Variants in ERC2 observed in about 807,000 individuals in gnomAD.
The protein encoded by ERC2 is ELKS/RAB6-interacting/CAST family member 2.
ERC2 carries 42 observed loss-of-function variants against 114.8 expected under a neutral mutation model. That is an observed-to-expected ratio of 0.37 (90% CI 0.29 to 0.47). The LOEUF (loss-of-function observed/expected upper bound fraction) is 0.47, where lower values mean the gene tolerates loss of function less well. Among genes scored for constraint, ERC2 ranks in the 20% least tolerant of loss-of-function variants. ERC2 has a pLI of 0.99. For missense variants in ERC2, 939 were observed against 1,150.7 expected (o/e 0.82, Z 2.66); for synonymous variants, 454 against 425.5 (o/e 1.07, Z -0.82).
intron 3 of ERC2, among the ~76,000 whole-genome samples, chr3:56,174,253 G>C (rs2082847259): frequency 1.3e-5 from 2 of 152,214 alleles, no homozygotes; most frequent in Admixed American, 1.3e-4. Context: ...CTTTTATCTT[G>C]AAGGTCACTT....
chr3:55,685,446 TC>T (rs1248973283), intron 16 of ERC2, among the ~76,000 whole-genome samples: 1 of 152,230 alleles, frequency 6.6e-6, no homozygotes, highest in Non-Finnish European at 1.5e-5. Flanking sequence ...CCAAGAAACT[TC>T]CCTTTTCCCT....
intron 7 of ERC2, among the ~76,000 whole-genome samples, chr3:56,047,435 T>C (rs968921635): frequency 6.6e-6 from 1 of 152,238 alleles, no homozygotes; most frequent in East Asian, 1.9e-4. Flanking sequence ...GGGGCTGCTA[T>C]AAGGCATCAA....
At chr3:55,757,233 C>T (rs2067121683) in intron 14 of ERC2, among the ~76,000 whole-genome samples, 1 of 152,120 alleles carries the variant, frequency 6.6e-6, no homozygotes, top group Admixed American at 6.5e-5. Flanking sequence ...ATGAGCAACT[C>T]TGTAATATGT....
intron 13 of ERC2, among the ~76,000 whole-genome samples, chr3:55,905,532 A>G (rs1480055451): frequency 1.3e-5 from 2 of 150,408 alleles, no homozygotes; most frequent in African/African-American, 4.9e-5. Context: ...AGGGGAAGTC[A>G]CCATTTGTAT....
chr3:55,933,356 A>G (rs2066241087), intron 13 of ERC2, among the ~76,000 whole-genome samples: 1 of 152,206 alleles, frequency 6.6e-6, no homozygotes, highest in South Asian at 2.1e-4. Context: ...ACAGCTGTAC[A>G]TGGGTTTTGG....
intron 14 of ERC2, among the ~76,000 whole-genome samples, chr3:55,854,137 T>A (rs1052430291): frequency 6.6e-6 from 1 of 152,084 alleles, no homozygotes; most frequent in South Asian, 2.1e-4. Context: ...TAGCTGGGCA[T>A]GGTGGCAGGC....
At chr3:56,167,037 T>C (rs1450156041) in intron 4 of ERC2, among the ~76,000 whole-genome samples, 1 of 152,162 alleles carries the variant, frequency 6.6e-6, no homozygotes, top group Non-Finnish European at 1.5e-5. Context: ...TTATCCTTTC[T>C]AGACTCGTGG....
chr3:55,899,442 CAT>C (rs1455290062), intron 13 of ERC2, among the ~76,000 whole-genome samples: 2 of 152,034 alleles, frequency 1.3e-5, no homozygotes, highest in African/African-American at 2.4e-5. Flanking sequence ...CATACACAAA[CAT>C]ATATGTATAC....
chr3:56,284,345 T>C (rs1422100324), intron 3 of ERC2, among the ~76,000 whole-genome samples: 7 of 152,234 alleles, frequency 4.6e-5, no homozygotes, highest in African/African-American at 1.2e-4. Flanking sequence ...ATATTTGCCT[T>C]GACTTGAGCT....
chr3:56,349,414 G>A (rs80216823), intron 2 of ERC2, among the ~76,000 whole-genome samples: 1,648 of 152,268 alleles, frequency 0.011, 28 homozygotes, highest in African/African-American at 0.037. Context: ...AGAAAGACAC[G>A]CTGGCTCTAT....
Position 55,945,840 on chromosome 3 carries a change from C to T in ERC2, c.2403+4585G>A, listed in dbSNP as rs568992427. The stretch of plus-strand genomic sequence containing the variant: ...TCCCTGGGAACCTATAATTTGGAAA[C>T]GGAAGCACACAAGAACAGACTTTAG... On this transcript the variant is annotated intron_variant, in intron 13 of 17. Transcript: ENST00000288221. Among the ~76,000 whole-genome samples, 114 of 152,042 alleles carry T rather than the reference C, an allele frequency of 7.5e-4. 1 individual carries two copies. The South Asian group carries it at 0.01, about 14-fold the overall frequency.
intron 14 of ERC2, among the ~76,000 whole-genome samples, chr3:55,781,036 G>A (rs908371644): frequency 6.6e-6 from 1 of 152,214 alleles, no homozygotes; most frequent in East Asian, 1.9e-4. Context: ...CGTGTGGTAT[G>A]TCACCCAAAT....
chr3:55,841,301 T>C (rs1308450088), intron 14 of ERC2, among the ~76,000 whole-genome samples: 1 of 152,106 alleles, frequency 6.6e-6, no homozygotes, highest in Non-Finnish European at 1.5e-5. Flanking sequence ...ATCTTTCCTA[T>C]GCTGTTCTCA....
intron 2 of ERC2, among the ~76,000 whole-genome samples, chr3:56,306,582 C>G (rs1044159227): frequency 6.6e-5 from 10 of 152,286 alleles, no homozygotes; most frequent in Non-Finnish European, 1.0e-4. Flanking sequence ...AACTGAGAAG[C>G]ACTCATGTGT....
intron 7 of ERC2, among the ~76,000 whole-genome samples, chr3:56,078,529 A>C (rs948294468): frequency 6.6e-6 from 1 of 152,296 alleles, no homozygotes; most frequent in South Asian, 2.1e-4. Context: ...ATTAGAATGC[A>C]TTGATAATCT....
chr3:56,274,997 T>A (rs2053901166), intron 3 of ERC2, among the ~76,000 whole-genome samples: 2 of 152,186 alleles, frequency 1.3e-5, no homozygotes, highest in South Asian at 4.1e-4. Context: ...GTGAGCCTCA[T>A]CTTCCTTAAA....
chr3:56,087,471 T>A (rs1255194926), intron 6 of ERC2, among the ~76,000 whole-genome samples: 1 of 152,076 alleles, frequency 6.6e-6, no homozygotes, highest in Admixed American at 6.6e-5. Flanking sequence ...CTGCCGTATT[T>A]TATGTGCGCC....
chr3:56,259,820 C>G (rs916893998), intron 3 of ERC2, among the ~76,000 whole-genome samples: 2 of 152,164 alleles, frequency 1.3e-5, no homozygotes, highest in African/African-American at 2.4e-5. Flanking sequence ...AGGATGAAAA[C>G]TGACCCAAGC....
chr3:55,739,877 T>C (rs2065875235), intron 14 of ERC2, among the ~76,000 whole-genome samples: 1 of 152,178 alleles, frequency 6.6e-6, no homozygotes, highest in Non-Finnish European at 1.5e-5. Flanking sequence ...TTCTAGAGTT[T>C]TTATGGTTTT....
Sources: gnomAD v4.1 joint callset for allele counts (sites outside exome capture counted in the v4.1 genomes callset) on GRCh38, gnomAD v4.1.1 for gene constraint, MANE v1.5 for transcripts, NCBI Gene and HGNC (gene_info 2026-07-23, HGNC 2026-07-21) for gene names.